Variants in NRXN1 observed in about 807,000 individuals in gnomAD.
NRXN1 encodes neurexin 1, also known as neurexin-1.
A neutral mutation model predicts 150.9 loss-of-function variants in NRXN1; 39 were observed. The ratio of observed to expected loss-of-function variants is 0.26; its 90% CI spans 0.20 to 0.34. NRXN1 has a LOEUF of 0.34. Among genes scored for constraint, NRXN1 ranks in the 10% least tolerant of loss-of-function variants. NRXN1 has a pLI of 1.00. For missense variants in NRXN1, 1,815 were observed against 1,949.9 expected (o/e 0.93, Z 1.30); for synonymous variants, 924 against 757.0 (o/e 1.22, Z -3.62).
intron 21 of NRXN1, among the ~76,000 whole-genome samples, chr2:50,014,914 A>T (rs887898736): frequency 6.6e-6 from 1 of 152,168 alleles, no homozygotes; most frequent in Non-Finnish European, 1.5e-5. Context: ...AATTTTAGGT[A>T]ATGCTATCAC....
intron 5 of NRXN1, among the ~76,000 whole-genome samples, chr2:50,695,448 C>T (rs557660210): frequency 1.3e-5 from 2 of 152,200 alleles, no homozygotes; most frequent in East Asian, 1.9e-4. Context: ...CCTCATAGAT[C>T]CTGGGTTCTA....
At chr2:50,774,987 G>A (rs1703434929) in intron 5 of NRXN1, among the ~76,000 whole-genome samples, 1 of 151,910 alleles carries the variant, frequency 6.6e-6, no homozygotes, top group South Asian at 2.1e-4. Context: ...TATTTTTCTT[G>A]CCTTGTCTTT....
At chr2:50,968,767 C>T (rs1424942060) in intron 2 of NRXN1, among the ~76,000 whole-genome samples, 1 of 152,068 alleles carries the variant, frequency 6.6e-6, no homozygotes, top group African/African-American at 2.4e-5. Flanking sequence ...TTCCTCTCAA[C>T]ACATAATAGT....
At chr2:50,757,023 G>A (rs539306261) in intron 5 of NRXN1, among the ~76,000 whole-genome samples, 4 of 151,930 alleles carry the variant, frequency 2.6e-5, no homozygotes, top group South Asian at 4.1e-4. Flanking sequence ...GTGAGAAAAC[G>A]TGCTTTGTTT....
At chr2:50,128,844 A>G (rs1705012206) in intron 18 of NRXN1, among the ~76,000 whole-genome samples, 2 of 151,620 alleles carry the variant, frequency 1.3e-5, no homozygotes, top group African/African-American at 4.8e-5. Flanking sequence ...TTAACCGGGC[A>G]TGGTGGCGGG....
chr2:50,358,217 G>A (rs780918389), intron 17 of NRXN1, among the ~76,000 whole-genome samples: 5 of 152,138 alleles, frequency 3.3e-5, no homozygotes, highest in African/African-American at 7.2e-5. Context: ...TGCCTCGAAC[G>A]TCAGCGAGAC....
chr2:50,097,511 G>A (rs914353750), intron 18 of NRXN1, among the ~76,000 whole-genome samples: 2 of 152,176 alleles, frequency 1.3e-5, no homozygotes, highest in Non-Finnish European at 2.9e-5. Context: ...AGGTTTTAAG[G>A]CATGAAGGGG....
chr2:50,417,617 A>G (rs913156363), intron 17 of NRXN1, among the ~76,000 whole-genome samples: 8 of 151,862 alleles, frequency 5.3e-5, no homozygotes, highest in African/African-American at 1.9e-4. Context: ...TGGCTTTACA[A>G]ATAACCTAGC....
intron 5 of NRXN1, among the ~76,000 whole-genome samples, chr2:50,830,707 A>G (rs1442823386): frequency 3.3e-5 from 5 of 149,554 alleles, no homozygotes; most frequent in African/African-American, 9.9e-5. Flanking sequence ...CATTTATAAT[A>G]CATCTCCTCC....
chr2:51,002,175 T>C (rs929063963), intron 2 of NRXN1, among the ~76,000 whole-genome samples: 15 of 152,022 alleles, frequency 9.9e-5, no homozygotes, highest in African/African-American at 3.6e-4. Context: ...TGAAATACCT[T>C]GTATGCTTTT....
chr2:50,278,899 G>A (rs948885146), intron 17 of NRXN1, among the ~76,000 whole-genome samples: 2 of 152,130 alleles, frequency 1.3e-5, no homozygotes, highest in African/African-American at 4.8e-5. Context: ...TCTAGAAGTA[G>A]AGATTTAATT....
At chr2:50,197,194 T>C (rs759802631) in intron 18 of NRXN1, among the ~76,000 whole-genome samples, 3 of 152,122 alleles carry the variant, frequency 2.0e-5, no homozygotes, top group Non-Finnish European at 4.4e-5. Flanking sequence ...AGCTGCCAAA[T>C]CTTTGTTTTT....
In NRXN1 at chr2:50,346,223, T is replaced by C. The variant is rs932645054; in HGVS notation, c.3365-109253A>G. 2.0e-5 allele frequency among the ~76,000 whole-genome samples: 3 copies of C among 152,050 alleles called. No individual in the cohort carries two copies. Among genetic ancestry groups the C allele is most frequent in the African/African-American group, 7.2e-5 (3 of 41,416 alleles). ...TTGGAGGAATGTGCGGGCTGGAATC[T>C]CTCCCTCCCCGCCCCCCGGGGCCAG... On this transcript the variant is annotated intron_variant, in intron 17 of 22. Transcript: ENST00000401669. This position sits in a 1 kb window ranked among gnomAD's most constrained non-coding sequence, Gnocchi z 5.0.
Position 50,378,992 on chromosome 2 carries a change from T to C in NRXN1, c.3364+86450A>G, listed in dbSNP as rs114498347. ...TTCCAGAGAGATTATGGACCTTGCCTTGGTCATGGGTGTAGTCCCAGCCCT... is the reference window on the plus strand; with the variant it reads ...TTCCAGAGAGATTATGGACCTTGCCCTGGTCATGGGTGTAGTCCCAGCCCT... On this transcript the variant is annotated intron_variant, in intron 17 of 22. Transcript: ENST00000401669. 5.2e-3 allele frequency among the ~76,000 whole-genome samples: 789 copies of C among 152,284 alleles called. 4 individuals carry two copies. Among genetic ancestry groups the C allele is most frequent in the African/African-American group, 0.018 (746 of 41,558 alleles).
chr2:50,721,320 A>G (rs1254990083), intron 5 of NRXN1, among the ~76,000 whole-genome samples: 1 of 152,182 alleles, frequency 6.6e-6, no homozygotes, highest in African/African-American at 2.4e-5. Flanking sequence ...CTGTCCTGTT[A>G]TAAAATCAGC....
At chr2:50,490,302 T>TG (rs2091175361) in intron 15 of NRXN1, among the ~76,000 whole-genome samples, 1 of 152,178 alleles carries the variant, frequency 6.6e-6, no homozygotes. Flanking sequence ...TCCCATCTTC[T>TG]GGCATGGCGT....
At chr2:51,014,021 G>C (rs1227732357) in intron 2 of NRXN1, among the ~76,000 whole-genome samples, 1 of 151,986 alleles carries the variant, frequency 6.6e-6, no homozygotes, top group African/African-American at 2.4e-5. Flanking sequence ...TAAGCCACTA[G>C]ATAACAAAAA....
intron 17 of NRXN1, among the ~76,000 whole-genome samples, chr2:50,334,193 A>AT (rs68183264): frequency 0.17 from 18,863 of 110,412 alleles, 2,642 homozygotes; most frequent in East Asian, 0.44. Flanking sequence ...CCAGGACCAA[A>AT]TATATATATA....
chr2:50,442,071 T>C (rs187980922), intron 17 of NRXN1, among the ~76,000 whole-genome samples: 3 of 152,298 alleles, frequency 2.0e-5, no homozygotes, highest in African/African-American at 7.2e-5. Flanking sequence ...CTATACTGCA[T>C]ACTTTCTATA....
Sources: allele counts gnomAD v4.1 joint callset (sites outside exome capture counted in the v4.1 genomes callset), GRCh38; gene constraint gnomAD v4.1.1; non-coding constraint Gnocchi (gnomAD v3.1); transcripts MANE v1.5; gene names NCBI Gene and HGNC (gene_info 2026-07-23, HGNC 2026-07-21).